The following TSPAN12 variants were observed in gnomAD, a reference collection of about 807,000 sequenced individuals.
The protein encoded by TSPAN12 is tetraspanin 12, also known as tetraspanin-12.
Under a neutral mutation model 39.2 loss-of-function variants are expected in TSPAN12, and 19 were observed. That is an observed-to-expected ratio of 0.49 (90% CI 0.34 to 0.71). TSPAN12 has a LOEUF of 0.71. TSPAN12 is among the 30% of genes least tolerant of loss of function. The pLI is 0.01. For synonymous variants in TSPAN12, 119 were observed against 124.8 expected (o/e 0.95, Z 0.31); for missense variants, 314 against 359.9 (o/e 0.87, Z 1.03).
intron 2 of TSPAN12, among the ~76,000 whole-genome samples, chr7:120,843,667 T>A (rs73427805): frequency 0.14 from 21,063 of 152,186 alleles, 2,140 homozygotes; most frequent in East Asian, 0.34. Flanking sequence ...CATAATGAGA[T>A]GTGTACTCCA....
Position 120,838,836 on chromosome 7 carries a change from T to C in TSPAN12, c.226A>G (p.Ile76Val), listed in dbSNP as rs1354571917. The C allele has an allele frequency of 1.2e-6, 2 of 1,613,802 alleles. No individual in the cohort carries two copies. The highest frequency in any genetic ancestry group is 2.2e-5 in the South Asian group (2 of 91,080). Residue 76 changes from isoleucine to valine, a missense_variant, in exon 4 of 8, where the codon ATT becomes GTT. Physicochemically the swap from Ile to Val is conservative, Grantham distance 29. Coordinates refer to ENST00000222747, the MANE Select transcript of TSPAN12 (RefSeq NM_012338.4). ...VMIAVCCFLI[I>V]VGMLGYCGTV... ...CCACAATATCCTAACATCCCCACAA[T>C]GATAAGGAAACAGCAAACAGCAATC...
At chr7:120,823,907 G>A (rs920459978) in intron 4 of TSPAN12, among the ~76,000 whole-genome samples, 2 of 152,122 alleles carry the variant, frequency 1.3e-5, no homozygotes, top group Non-Finnish European at 2.9e-5. Context: ...TGGAGGCCTT[G>A]ACACCAAAGA....
chr7:120,847,268 C>G (rs1584953114), intron 2 of TSPAN12, among the ~76,000 whole-genome samples: 1 of 151,108 alleles, frequency 6.6e-6, no homozygotes, highest in Admixed American at 6.6e-5. Flanking sequence ...GAGTGAGACT[C>G]TCATATACAT....
chr7:120,840,234 G>T, intron 2 of TSPAN12, 125 bp from the exon 3 acceptor site: 1 of 789,694 alleles, frequency 1.3e-6, no homozygotes, highest in South Asian at 1.5e-5. Flanking sequence ...GCTGCATCTT[G>T]AAATTTACTA....
chr7:120,826,898 T>G (rs1794298876), intron 4 of TSPAN12, among the ~76,000 whole-genome samples: 1 of 152,072 alleles, frequency 6.6e-6, no homozygotes, highest in Admixed American at 6.6e-5. Context: ...AATTTTTGTA[T>G]TTTTAGTAGA....
chr7:120,855,112 A>G (rs1243786993), intron 2 of TSPAN12, among the ~76,000 whole-genome samples: 1 of 152,204 alleles, frequency 6.6e-6, no homozygotes, highest in Non-Finnish European at 1.5e-5. Flanking sequence ...CACACAATGT[A>G]AAGTATTAAC....
Position 120,815,817 on chromosome 7 carries a change from G to A in TSPAN12, c.286-14C>T. On this transcript the variant is annotated splice_polypyrimidine_tract_variant and intron_variant, in intron 4 of 7. Coordinates refer to ENST00000222747, the MANE Select transcript of TSPAN12 (RefSeq NM_012338.4). Reference sequence around the variant, plus strand: ...ACTTCCAAAGTACTGTAGAAAAACAGAAAAGTATGCTGTTATAGTATCAGA... The same window carrying A: ...ACTTCCAAAGTACTGTAGAAAAACAAAAAAGTATGCTGTTATAGTATCAGA... 1.9e-6 allele frequency: 3 copies of A among 1,607,784 alleles called. No individual in the cohort carries two copies. Among genetic ancestry groups the A allele is most frequent in the Non-Finnish European group, 2.5e-6 (3 of 1,176,708 alleles).
rs1793429371 is a variant in TSPAN12, at chr7:120,787,382, C to A, written c.*1210G>T. 1 of 152,338 alleles carries A rather than the reference C, an allele frequency of 6.6e-6. No individual in the cohort carries two copies. The highest frequency in any genetic ancestry group is 1.5e-5 in the Non-Finnish European group (1 of 67,902). 9.4% of individuals were successfully genotyped at this position (152,338 alleles called of 1,614,324 possible). On this transcript the variant is annotated 3_prime_UTR_variant, in exon 8 of 8. Coordinates refer to ENST00000222747, the MANE Select transcript of TSPAN12 (RefSeq NM_012338.4). ...TTCTTTCCATATTCTGAGAAATAAA[C>A]AAAATACACAAAATACAGTAAAATG...
chr7:120,830,396 ATATAT>A (rs1337432359), intron 4 of TSPAN12, among the ~76,000 whole-genome samples: 3 of 152,094 alleles, frequency 2.0e-5, no homozygotes, highest in Admixed American at 6.6e-5. Flanking sequence ...TGATTTCAAA[ATATAT>A]TATAAAGTTA....
At chr7:120,827,091 C>T (rs905207623) in intron 4 of TSPAN12, among the ~76,000 whole-genome samples, 4 of 152,058 alleles carry the variant, frequency 2.6e-5, no homozygotes, top group African/African-American at 7.2e-5. Flanking sequence ...TTTTAAAAGA[C>T]GTTAGATTAG....
At chr7:120,797,083 A>C (rs1409718334) in intron 7 of TSPAN12, among the ~76,000 whole-genome samples, 4 of 152,126 alleles carry the variant, frequency 2.6e-5, no homozygotes, top group Non-Finnish European at 5.9e-5. Context: ...CGTGAACCTG[A>C]GAGGCGGAGC....
chr7:120,798,835 A>C (rs41629), intron 7 of TSPAN12, among the ~76,000 whole-genome samples: 92,685 of 151,680 alleles, frequency 0.61, 29,966 homozygotes, highest in Middle Eastern at 0.8. Context: ...ACCCTGTGCC[A>C]CCCTAATATT....
chr7:120,838,696 T>C, intron 4 of TSPAN12, 81 bp downstream of exon 4: 1 of 1,466,586 alleles, frequency 6.8e-7, no homozygotes, highest in Non-Finnish European at 9.4e-7. Context: ...CACTGCTCCC[T>C]AATCTTGTGA....
At chr7:120,813,524 TGTTAA>T (rs917104877) in intron 5 of TSPAN12, among the ~76,000 whole-genome samples, 104 of 152,258 alleles carry the variant, frequency 6.8e-4, no homozygotes, top group African/African-American at 2.4e-3. Flanking sequence ...ATTTCAAACA[TGTTAA>T]GTTAATTCAT....
intron 5 of TSPAN12, among the ~76,000 whole-genome samples, chr7:120,813,808 C>T (rs74780450): frequency 1.3e-5 from 2 of 152,216 alleles, no homozygotes; most frequent in African/African-American, 2.4e-5. Flanking sequence ...CCACAGAAAC[C>T]GATTCCCTGG....
intron 3 of TSPAN12, 70 bp from the exon 4 acceptor site, chr7:120,838,982 A>T (rs1794530470): frequency 1.1e-5 from 16 of 1,493,284 alleles, no homozygotes; most frequent in Non-Finnish European, 1.5e-5. Flanking sequence ...AGCAGAAGAC[A>T]CAACTGTGAT....
intron 5 of TSPAN12, among the ~76,000 whole-genome samples, chr7:120,811,352 T>A (rs1281400345): frequency 6.6e-6 from 1 of 152,106 alleles, no homozygotes; most frequent in Non-Finnish European, 1.5e-5. Flanking sequence ...CCCAAGCCCA[T>A]CAATCAATGA....
Position 120,857,999 on chromosome 7 carries a change from GAAA to G in TSPAN12, c.-253_-251del, listed in dbSNP as rs561967326. The G allele has an allele frequency of 3.2e-4, 36 of 114,140 alleles. No homozygotes were observed. The highest frequency in any genetic ancestry group is 9.2e-4 in the African/African-American group (28 of 30,378). 7.1% of individuals were successfully genotyped at this position (114,140 alleles called of 1,614,324 possible). On this transcript the variant is annotated 5_prime_UTR_variant, in exon 1 of 8. Transcript: ENST00000222747. ...CGCCGTCGCCGCCTCCTGGGAAAAA[GAAA>G]AAAAAAAAAAAAAGTCCTGGGCAGC... is the stretch of plus-strand genomic sequence containing the variant.
chr7:120,832,023 G>C lies in TSPAN12; in HGVS notation c.285+6754C>G, dbSNP rs372242506. Among the ~76,000 whole-genome samples, 6 of 151,962 alleles carry C rather than the reference G, an allele frequency of 3.9e-5. No homozygotes were observed. The East Asian group carries it at 9.6e-4, about 24-fold the overall frequency. ...ACAAGTCAAATAAAGTACATGTATT[G>C]AGTAGATATGTTTCTATTATATAAA... On this transcript the variant is annotated intron_variant, in intron 4 of 7. Coordinates refer to ENST00000222747, the MANE Select transcript of TSPAN12 (RefSeq NM_012338.4).
Sources: gnomAD v4.1 joint callset for allele counts (sites outside exome capture counted in the v4.1 genomes callset) on GRCh38, gnomAD v4.1.1 for gene constraint, MANE v1.5 for transcripts, NCBI Gene and HGNC (gene_info 2026-07-23, HGNC 2026-07-21) for gene names.